EVC2: variants seen among roughly 807,000 people sequenced by gnomAD.
EVC2 encodes the protein EvC ciliary complex subunit 2.
In EVC2, 148 loss-of-function variants were observed where a neutral mutation model predicts 149.3. That is an observed-to-expected ratio of 0.99 (90% CI 0.87 to 1.14). EVC2 has a LOEUF of 1.14. Ranked by LOEUF, EVC2 falls within the 50% of genes most tolerant of loss-of-function variation. The probability of loss-of-function intolerance (pLI) is 0.00; values close to 1 mark genes in which losing one functional copy is unlikely to be tolerated. For synonymous variants in EVC2, 776 were observed against 649.9 expected (o/e 1.19, Z -2.95); for missense variants, 1,854 against 1,627.3 (o/e 1.14, Z -2.40).
intron 1 of EVC2, among the ~76,000 whole-genome samples, chr4:5,702,470 G>C (rs1336337629): frequency 2.0e-5 from 3 of 152,188 alleles, no homozygotes; most frequent in Non-Finnish European, 4.4e-5. Flanking sequence ...ATGGCCCAGA[G>C]GCCTGGTCTC....
intron 9 of EVC2, among the ~76,000 whole-genome samples, chr4:5,650,638 T>TATATAGAGAG (rs1162935817): frequency 7.8e-4 from 35 of 45,090 alleles, no homozygotes; most frequent in Middle Eastern, 0.014. Context: ...TATATATATA[T>TATATAGAGAG]AGAGAGAGAG....
At chr4:5,664,229 G>A (rs1047694098) in intron 8 of EVC2, among the ~76,000 whole-genome samples, 5 of 152,152 alleles carry the variant, frequency 3.3e-5, no homozygotes, top group Middle Eastern at 3.2e-3. Flanking sequence ...ACACAGCTCA[G>A]AAGAGCCCGG....
rs555958060 is a variant in EVC2 at position 5,660,907 on chromosome 4, A to G, written c.1145+2200T>C. On this transcript the variant is annotated intron_variant, in intron 9 of 21. Coordinates refer to ENST00000344408, the MANE Select transcript of EVC2 (RefSeq NM_147127.5). ...AGCCTAGCTGAGCCTCAGCTGCTTC[A>G]ACTATCAAACACTGAAAATAAGATG... 9.8e-5 allele frequency among the ~76,000 whole-genome samples: 15 copies of G among 152,334 alleles called. No homozygotes were observed. In the South Asian group the frequency reaches 3.1e-3, roughly 32 times the overall value.
chr4:5,563,141 T>C (rs1722063583), intron 21 of EVC2, 26 bp from the exon 22 acceptor site: 1 of 1,606,526 alleles, frequency 6.2e-7, no homozygotes, highest in Non-Finnish European at 8.5e-7. Context: ...AAGATCAAAT[T>C]CAATATTTTT....
At chr4:5,545,747 G>C (rs1344911708) in intron 21 of EVC2, among the ~76,000 whole-genome samples, 2 of 152,010 alleles carry the variant, frequency 1.3e-5, no homozygotes, top group Admixed American at 6.6e-5. Flanking sequence ...TAAAGATTTA[G>C]TATAAAGATT....
chr4:5,665,595 A>C lies in EVC2; in HGVS notation c.925T>G (p.Ser309Ala). 1 of 1,614,182 alleles carries C rather than the reference A, an allele frequency of 6.2e-7. No homozygotes were observed. The highest frequency in any genetic ancestry group is 8.5e-7 in the Non-Finnish European group (1 of 1,180,026). Residue 309 changes from serine to alanine, a missense_variant, in exon 8 of 22, where the codon TCC becomes GCC. Transcript: ENST00000344408. ...AAGFFIAFLL[S>A]LVLTWAALFL... ...AGGGCAGCCCAGGTCAGCACAAGGGAGAGGAGGAAGGCAATGAAGAACCCT... is the reference window on the plus strand; with the variant it reads ...AGGGCAGCCCAGGTCAGCACAAGGGCGAGGAGGAAGGCAATGAAGAACCCT...
intron 9 of EVC2, among the ~76,000 whole-genome samples, chr4:5,648,608 G>C (rs1717897584): frequency 6.6e-6 from 1 of 152,148 alleles, no homozygotes; most frequent in Non-Finnish European, 1.5e-5. Flanking sequence ...AGCACAGTCT[G>C]GCATTTTGTT....
the EVC2 span, among the ~76,000 whole-genome samples, chr4:5,532,657 GCTGC>G: frequency 6.6e-6 from 1 of 152,170 alleles, no homozygotes; most frequent in Non-Finnish European, 1.5e-5. Context: ...CTCCCCAGCG[GCTGC>G]CTAAGTGTGG....
rs1714994218 is a variant in EVC2 at position 5,613,281 on chromosome 4, C to T, written c.2829+2141G>A. On this transcript the variant is annotated intron_variant, in intron 16 of 21. Transcript: ENST00000344408. This position sits in a 1 kb window ranked among gnomAD's most constrained non-coding sequence, Gnocchi z 4.6. ...TTCAACCCTCTGGGTTCCCTCTGTG[C>T]ACTGTGGCCTCCAGCACAGTCCAGG... Among the ~76,000 whole-genome samples, 1 of 152,178 alleles carries T rather than the reference C, an allele frequency of 6.6e-6. No homozygotes were observed. Among genetic ancestry groups the T allele is most frequent in the African/African-American group, 2.4e-5 (1 of 41,446 alleles).
At chr4:5,623,510 T>C (rs1715884940) in intron 13 of EVC2, among the ~76,000 whole-genome samples, 1 of 152,074 alleles carries the variant, frequency 6.6e-6, no homozygotes, top group African/African-American at 2.4e-5. Context: ...CAGATAATTT[T>C]TGTATTTTTT....
rs114458382 is a variant in EVC2 at position 5,634,478 on chromosome 4, C to T, written c.1471-2446G>A. On this transcript the variant is annotated intron_variant, in intron 10 of 21. Transcript: ENST00000344408. ...TATTTTAATTAATAGAAATGAAATA[C>T]GGGGTAATTTCCATTTAGCTTCTCA... Among the ~76,000 whole-genome samples, 962 of 152,148 alleles carry T rather than the reference C, an allele frequency of 6.3e-3. 13 individuals carry two copies. The highest frequency in any genetic ancestry group is 0.02 in the African/African-American group (828 of 41,494).
At chr4:5,689,121 T>A in intron 5 of EVC2, 36 bp downstream of exon 5, 4 of 1,611,168 alleles carry the variant, frequency 2.5e-6, no homozygotes, top group Non-Finnish European at 3.4e-6. Context: ...CATATTCTCA[T>A]TTGTCATCCC....
rs1472428601 is a variant in EVC2 at position 5,567,638 on chromosome 4, TA to T, written c.3557+805del. ...CCACACCCCTTCCTGCCTTTCCCCA[TA>T]AAAAGCCTTTAATGACCAAATTCAC... is the stretch of plus-strand genomic sequence containing the variant. On this transcript the variant is annotated intron_variant, in intron 20 of 21. Coordinates refer to ENST00000344408, the MANE Select transcript of EVC2 (RefSeq NM_147127.5). The surrounding 1 kb of genome is among the most constrained non-coding windows in gnomAD (Gnocchi z 4.4). Among the ~76,000 whole-genome samples, 1 of 151,768 alleles carries T rather than the reference TA, an allele frequency of 6.6e-6. No individual in the cohort carries two copies. The highest frequency in any genetic ancestry group is 2.4e-5 in the African/African-American group (1 of 41,296).
intron 15 of EVC2, among the ~76,000 whole-genome samples, chr4:5,616,540 A>G (rs553299185): frequency 5.1e-4 from 78 of 152,288 alleles, no homozygotes; most frequent in African/African-American, 1.7e-3. Flanking sequence ...AGAGATGGGG[A>G]ATGCACTAAG....
At chr4:5,585,849 C>G (rs867676251) in intron 16 of EVC2, among the ~76,000 whole-genome samples, 2 of 151,732 alleles carry the variant, frequency 1.3e-5, no homozygotes, top group Non-Finnish European at 1.5e-5. Context: ...ATTTTTTTAT[C>G]TAGCTGTTGT....
intron 3 of EVC2, among the ~76,000 whole-genome samples, chr4:5,693,772 A>C (rs1466963520): frequency 6.6e-6 from 1 of 152,212 alleles, no homozygotes; most frequent in Non-Finnish European, 1.5e-5. Flanking sequence ...AAGTCACTGA[A>C]CCCACGTTAC....
intron 9 of EVC2, among the ~76,000 whole-genome samples, chr4:5,650,636 T>TAGAGAGAGAG (rs1412059399): frequency 6.3e-4 from 35 of 55,658 alleles, no homozygotes; most frequent in Non-Finnish European, 8.3e-4. Context: ...TATATATATA[T>TAGAGAGAGAG]ATAGAGAGAG....
Position 5,577,378 on chromosome 4 carries a change from A to G in EVC2, c.3058-924T>C, listed in dbSNP as rs1386325528. Among the ~76,000 whole-genome samples, 3 of 152,284 alleles carry G rather than the reference A, an allele frequency of 2.0e-5. No individual in the cohort carries two copies. The East Asian group carries it at 5.8e-4, about 30-fold the overall frequency. On this transcript the variant is annotated intron_variant, in intron 17 of 21. Transcript: ENST00000344408. The stretch of plus-strand genomic sequence containing the variant: ...GCCTGCTTAGGTGGGTTGTGGGCGG[A>G]GGCAGGAGGGCCCCAGGCCTTGGAG...
intron 16 of EVC2, among the ~76,000 whole-genome samples, chr4:5,611,208 G>C (rs557211154): frequency 3.3e-5 from 5 of 152,324 alleles, no homozygotes; most frequent in Non-Finnish European, 5.9e-5. Flanking sequence ...GGCTGAGGCA[G>C]ACCAGGTCCC....
Sources: allele counts gnomAD v4.1 joint callset (sites outside exome capture counted in the v4.1 genomes callset), GRCh38; gene constraint gnomAD v4.1.1; non-coding constraint Gnocchi (gnomAD v3.1); transcripts MANE v1.5; gene names NCBI Gene and HGNC (gene_info 2026-07-23, HGNC 2026-07-21).